ANKFY1: variants seen among roughly 807,000 people sequenced by gnomAD.
The protein encoded by ANKFY1 is ankyrin repeat and FYVE domain containing 1, also known as ankyrin repeat and FYVE domain-containing protein 1.
A neutral mutation model predicts 128.3 loss-of-function variants in ANKFY1; 47 were observed. That is an observed-to-expected ratio of 0.37 (90% CI 0.29 to 0.47). The LOEUF (loss-of-function observed/expected upper bound fraction) is 0.47, where lower values mean the gene tolerates loss of function less well. Ranked by LOEUF, ANKFY1 falls within the 20% of genes least tolerant of loss-of-function variation. The pLI is 1.00. For synonymous variants in ANKFY1, 553 were observed against 601.6 expected, an observed-to-expected ratio of 0.92 and a Z score of 1.18; for missense variants, 1,222 against 1,510.6, an observed-to-expected ratio of 0.81 and a Z score of 3.17.
intron 1 of ANKFY1, among the ~76,000 whole-genome samples, chr17:4,255,422 G>C (rs1968065813): frequency 6.6e-6 from 1 of 151,672 alleles, no homozygotes; most frequent in Non-Finnish European, 1.5e-5. Context: ...TAATTTTTTT[G>C]TATTCTTAGC....
chr17:4,210,582 C>T (rs2060108776), intron 4 of ANKFY1, among the ~76,000 whole-genome samples: 1 of 151,878 alleles, frequency 6.6e-6, no homozygotes, highest in Admixed American at 6.6e-5. Context: ...GTGGCGCATG[C>T]CTGTAATCCA....
chr17:4,179,978 C>T (rs1371549832), intron 16 of ANKFY1, 101 bp from the exon 17 acceptor site: 7 of 1,453,962 alleles, frequency 4.8e-6, no homozygotes, highest in Middle Eastern at 1.9e-4. Context: ...AATCCAACAG[C>T]GTCTGCTGTG....
intron 7 of ANKFY1, among the ~76,000 whole-genome samples, chr17:4,202,066 G>C (rs2059937192): frequency 6.6e-6 from 1 of 152,156 alleles, no homozygotes; most frequent in African/African-American, 2.4e-5. Flanking sequence ...GGTTAATGTA[G>C]TTTCATTACC....
At position 4,262,779 on chromosome 17, in the gene ANKFY1, G is replaced by A. The variant is rs111816885; in HGVS notation, c.10+1153C>T. Reference sequence around the variant, plus strand: ...ACACACACACCCCCCAAAACCAACTGGGTGTCAGTCACAGCTATCTCTGTA... The same window carrying A: ...ACACACACACCCCCCAAAACCAACTAGGTGTCAGTCACAGCTATCTCTGTA... On this transcript the variant is annotated intron_variant, in intron 1 of 24. Coordinates refer to ENST00000341657, the MANE Select transcript of ANKFY1 (RefSeq NM_001330063.2). Among the ~76,000 whole-genome samples, 720 of 152,248 alleles carry A rather than the reference G, an allele frequency of 4.7e-3. 4 individuals are homozygous for A. Among genetic ancestry groups the A allele is most frequent in the African/African-American group, 0.016 (683 of 41,558 alleles).
At chr17:4,232,590 G>A (rs1288324277) in intron 3 of ANKFY1, among the ~76,000 whole-genome samples, 1 of 152,144 alleles carries the variant, frequency 6.6e-6, no homozygotes, top group Non-Finnish European at 1.5e-5. Flanking sequence ...CCTTATAGTA[G>A]AATCAAAACA....
chr17:4,209,168 GA>G (rs1305038912), intron 5 of ANKFY1, among the ~76,000 whole-genome samples: 2 of 152,264 alleles, frequency 1.3e-5, no homozygotes, highest in Non-Finnish European at 2.9e-5. Context: ...GGCAAGCTCT[GA>G]AACTGTGCTG....
rs191827024 is a variant in ANKFY1, at chr17:4,184,804, T to C, written c.1699+14A>G. ...CCCAAGTCAAAAGGATGGACAGTATTCCCACTTACTTACCTTTCTGCTCCA... is the reference window on the plus strand; with the variant it reads ...CCCAAGTCAAAAGGATGGACAGTATCCCCACTTACTTACCTTTCTGCTCCA... On this transcript the variant is annotated intron_variant, in intron 12 of 24. Transcript: ENST00000341657. 1 of 1,609,026 alleles carries C rather than the reference T, an allele frequency of 6.2e-7. No homozygotes were observed. Among genetic ancestry groups the C allele is most frequent in the East Asian group, 2.2e-5 (1 of 44,862 alleles).
intron 13 of ANKFY1, 76 bp from the exon 14 acceptor site, chr17:4,183,627 C>T (rs2059556623): frequency 6.4e-7 from 1 of 1,563,502 alleles, no homozygotes; most frequent in African/African-American, 1.4e-5. Context: ...CAGCCAGACC[C>T]TCTCAGCTTC....
In ANKFY1 at chr17:4,181,140, G is replaced by C. The variant is rs1395057012; in HGVS notation, c.2240+114C>G. 3 of 842,268 alleles carry C rather than the reference G, an allele frequency of 3.6e-6. No homozygotes were observed. The highest frequency in any genetic ancestry group is 5.8e-6 in the Non-Finnish European group (3 of 518,534). The allele number at this position is 842,268 out of a possible 1,614,324, so 52.2% of individuals were successfully genotyped here. A position where few individuals can be genotyped will look rare whatever the true frequency, so the allele number is the denominator to read the frequency against. On this transcript the variant is annotated intron_variant, in intron 16 of 24. Coordinates refer to ENST00000341657, the MANE Select transcript of ANKFY1 (RefSeq NM_001330063.2). This position sits in a 1 kb window ranked among gnomAD's most constrained non-coding sequence, Gnocchi z 4.9. ...GTGACTCTCTGATAACCTTAACTGT[G>C]AAAGTCAAGCCGGCTACTGGCATGC...
intron 19 of ANKFY1, among the ~76,000 whole-genome samples, chr17:4,175,301 C>G (rs2059393305): frequency 6.6e-6 from 1 of 150,720 alleles, no homozygotes; most frequent in Non-Finnish European, 1.5e-5. Flanking sequence ...TCACTGCACT[C>G]CAGCCTGGGC....
intron 3 of ANKFY1, among the ~76,000 whole-genome samples, chr17:4,231,250 C>T (rs568069210): frequency 4.5e-4 from 68 of 152,302 alleles, no homozygotes; most frequent in South Asian, 1.4e-3. Flanking sequence ...AATTCCAACA[C>T]TTTGGGTAGC....
intron 1 of ANKFY1, chr17:4,249,144 A>G (rs1361078514): frequency 1.0e-5 from 10 of 984,932 alleles, no homozygotes; most frequent in Non-Finnish European, 1.2e-5. Flanking sequence ...GATTTTTAGA[A>G]CACTCTTCCT....
chr17:4,187,472 C>T, intron 11 of ANKFY1: 1 of 387,878 alleles, frequency 2.6e-6, no homozygotes, highest in Non-Finnish European at 4.5e-6. Flanking sequence ...TCCAATGGCT[C>T]TTCTGTCCCC....
At chr17:4,263,776 C>G in intron 1 of ANKFY1, 156 bp downstream of exon 1, 1 of 1,566,328 alleles carries the variant, frequency 6.4e-7, no homozygotes, top group South Asian at 1.2e-5. Context: ...GACCCCGGCC[C>G]GAGAAGCTCC....
chr17:4,188,950 G>GT (rs1165400766), intron 11 of ANKFY1: 1 of 142,044 alleles, frequency 7.0e-6, no homozygotes, highest in East Asian at 1.9e-4. Flanking sequence ...AACCCCAAAG[G>GT]TAACACTTTT....
intron 10 of ANKFY1, among the ~76,000 whole-genome samples, chr17:4,193,061 C>G (rs1210843111): frequency 6.6e-6 from 1 of 152,032 alleles, no homozygotes; most frequent in Non-Finnish European, 1.5e-5. Context: ...TTTTAATATA[C>G]CTCTCAGAAA....
At chr17:4,229,921 AGAGGAG>A (rs1255882427) in intron 3 of ANKFY1, among the ~76,000 whole-genome samples, 3 of 152,258 alleles carry the variant, frequency 2.0e-5, no homozygotes, top group Non-Finnish European at 4.4e-5. Context: ...CCTATACTGA[AGAGGAG>A]AATTTGAATC....
intron 3 of ANKFY1, among the ~76,000 whole-genome samples, chr17:4,225,710 G>T (rs983064120): frequency 1.3e-5 from 2 of 152,174 alleles, no homozygotes; most frequent in Admixed American, 1.3e-4. Context: ...TGCACTGGAT[G>T]AGTTTCCCCG....
intron 3 of ANKFY1, among the ~76,000 whole-genome samples, chr17:4,232,906 T>C (rs889918920): frequency 3.3e-5 from 5 of 152,160 alleles, no homozygotes; most frequent in African/African-American, 7.2e-5. Context: ...CTCTCATTCA[T>C]TTTGGTGGCA....
Sources: gnomAD v4.1 joint callset for allele counts (sites outside exome capture counted in the v4.1 genomes callset) on GRCh38, gnomAD v4.1.1 for gene constraint, Gnocchi (gnomAD v3.1) non-coding constraint, MANE v1.5 for transcripts, NCBI Gene and HGNC (gene_info 2026-07-23, HGNC 2026-07-21) for gene names.